PACRG: variants seen among roughly 807,000 people sequenced by gnomAD.
PACRG encodes the protein parkin coregulated, also known as parkin coregulated gene protein.
A neutral mutation model predicts 29.7 loss-of-function variants in PACRG; 29 were observed. That is an observed-to-expected ratio of 0.98 (90% CI 0.73 to 1.33). The LOEUF is 1.33. PACRG is among the 40% of genes most tolerant of loss of function. The pLI is 0.00. For synonymous variants in PACRG, 116 were observed against 118.7 expected (o/e 0.98, Z 0.15); for missense variants, 279 against 316.2 (o/e 0.88, Z 0.89).
At chr6:162,941,691 A>C (rs1798643325) in intron 2 of PACRG, among the ~76,000 whole-genome samples, 1 of 152,204 alleles carries the variant, frequency 6.6e-6, no homozygotes, top group Admixed American at 6.5e-5. Flanking sequence ...TTATTTAATC[A>C]TGCTACATTG....
chr6:163,020,895 C>G (rs1206922988), intron 2 of PACRG, among the ~76,000 whole-genome samples: 1 of 152,166 alleles, frequency 6.6e-6, no homozygotes, highest in African/African-American at 2.4e-5. Context: ...CTACAATTAA[C>G]TCTTGCTGTT....
intron 4 of PACRG, among the ~76,000 whole-genome samples, chr6:163,135,048 G>T (rs190915330): frequency 6.6e-6 from 1 of 152,176 alleles, no homozygotes; most frequent in Non-Finnish European, 1.5e-5. Context: ...TCTGTAACTA[G>T]AAACAATACA....
intron 1 of PACRG, among the ~76,000 whole-genome samples, chr6:162,787,974 C>G (rs1784643101): frequency 6.6e-6 from 1 of 151,988 alleles, no homozygotes; most frequent in African/African-American, 2.4e-5. Flanking sequence ...CCCGTGTGCT[C>G]CCTGCACCAG....
intron 4 of PACRG, among the ~76,000 whole-genome samples, chr6:163,192,915 C>G (rs2128362271): frequency 6.6e-6 from 1 of 152,272 alleles, no homozygotes; most frequent in South Asian, 2.1e-4. Context: ...TTCTTCACTC[C>G]TTGGATCTCC....
intron 4 of PACRG, among the ~76,000 whole-genome samples, chr6:163,174,040 A>C (rs768150463): frequency 3.9e-5 from 6 of 152,228 alleles, no homozygotes; most frequent in Non-Finnish European, 8.8e-5. Flanking sequence ...AGAAATGTGT[A>C]GCCACGCACC....
chr6:163,058,719 A>C (rs1370574208), intron 2 of PACRG, among the ~76,000 whole-genome samples: 1 of 152,112 alleles, frequency 6.6e-6, no homozygotes, highest in Admixed American at 6.5e-5. Context: ...ACACGGTGAA[A>C]CCCCGTCTCT....
At chr6:162,908,329 A>G (rs1796073884) in intron 2 of PACRG, among the ~76,000 whole-genome samples, 1 of 152,238 alleles carries the variant, frequency 6.6e-6, no homozygotes, top group Admixed American at 6.5e-5. Flanking sequence ...AAACTGGATT[A>G]TCATAATCGT....
At chr6:163,177,498 A>G (rs868317457) in intron 4 of PACRG, among the ~76,000 whole-genome samples, 18 of 152,122 alleles carry the variant, frequency 1.2e-4, no homozygotes, top group Admixed American at 3.9e-4. Flanking sequence ...AGCTACACAA[A>G]GGAAAGAAAA....
chr6:163,216,735 T>C (rs946302124), intron 4 of PACRG, among the ~76,000 whole-genome samples: 1 of 152,176 alleles, frequency 6.6e-6, no homozygotes, highest in Non-Finnish European at 1.5e-5. Flanking sequence ...TGTGAGATGC[T>C]GTCGTATTTG....
At chr6:162,851,954 GAGGA>G (rs1387696222) in intron 2 of PACRG, among the ~76,000 whole-genome samples, 2 of 139,898 alleles carry the variant, frequency 1.4e-5, no homozygotes, top group Admixed American at 7.1e-5. Flanking sequence ...GAAAGGAAGG[GAGGA>G]AGGAAGGAAG....
chr6:162,768,835 CA>C (rs1379350704), intron 1 of PACRG, among the ~76,000 whole-genome samples: 1 of 152,144 alleles, frequency 6.6e-6, no homozygotes, highest in African/African-American at 2.4e-5. Flanking sequence ...TGACAATGCT[CA>C]CTTTAAGTCC....
intron 2 of PACRG, among the ~76,000 whole-genome samples, chr6:163,013,579 A>G (rs1434174538): frequency 1.3e-5 from 2 of 152,172 alleles, no homozygotes; most frequent in Non-Finnish European, 2.9e-5. Flanking sequence ...CACTGAGGTC[A>G]TGCAGTGGAA....
chr6:163,079,890 CT>C (rs67162530), intron 3 of PACRG, among the ~76,000 whole-genome samples: 231 of 78,668 alleles, frequency 2.9e-3, no homozygotes, highest in African/African-American at 5.0e-3. Flanking sequence ...AGCAGTCATT[CT>C]TTTTTTTTTT....
intron 4 of PACRG, chr6:163,170,697 A>C (rs1779040113): frequency 6.6e-6 from 1 of 152,076 alleles, no homozygotes; most frequent in Non-Finnish European, 1.5e-5. Flanking sequence ...GGCAGTCTCT[A>C]TTTGCTGTCG....
At chr6:162,961,734 G>C (rs373499488) in intron 2 of PACRG, among the ~76,000 whole-genome samples, 1 of 151,988 alleles carries the variant, frequency 6.6e-6, no homozygotes, top group Non-Finnish European at 1.5e-5. Context: ...ATTTCTACCC[G>C]CTTCCCTAGA....
intron 3 of PACRG, among the ~76,000 whole-genome samples, chr6:163,075,403 A>T (rs545802241): frequency 6.6e-6 from 1 of 152,332 alleles, no homozygotes; most frequent in South Asian, 2.1e-4. Context: ...AACTCATTTC[A>T]TAAAGCTAGC....
At chr6:163,099,587 TGA>T (rs1814897720) in intron 4 of PACRG, among the ~76,000 whole-genome samples, 1 of 152,206 alleles carries the variant, frequency 6.6e-6, no homozygotes, top group African/African-American at 2.4e-5. Context: ...TGCTGATAAT[TGA>T]GAGTTCATTC....
chr6:162,746,745 T>A (rs13213746), intron 1 of PACRG, among the ~76,000 whole-genome samples: 24,129 of 152,222 alleles, frequency 0.16, 2,599 homozygotes, highest in African/African-American at 0.3. Context: ...CTGGATTTTT[T>A]AATTCTAGCT....
intron 4 of PACRG, among the ~76,000 whole-genome samples, chr6:163,189,029 A>T (rs1043723029): frequency 1.3e-5 from 2 of 152,246 alleles, no homozygotes; most frequent in Admixed American, 1.3e-4. Flanking sequence ...CTAACAAGAC[A>T]TGAGAGGATA....
Sources: gnomAD v4.1 joint callset for allele counts (sites outside exome capture counted in the v4.1 genomes callset) on GRCh38, gnomAD v4.1.1 for gene constraint, MANE v1.5 for transcripts, NCBI Gene and HGNC (gene_info 2026-07-23, HGNC 2026-07-21) for gene names.